The following SSH2 variants were observed in gnomAD, a reference collection of about 807,000 sequenced individuals.
SSH2 encodes the protein protein phosphatase Slingshot homolog 2.
In SSH2, 37 loss-of-function variants were observed where a neutral mutation model predicts 135.2. The ratio of observed to expected loss-of-function variants is 0.27; its 90% CI spans 0.21 to 0.36. The LOEUF (loss-of-function observed/expected upper bound fraction) is 0.36. Among genes scored for constraint, SSH2 ranks in the 10% least tolerant of loss-of-function variants. The pLI is 1.00. For synonymous variants in SSH2, 628 were observed against 646.2 expected (o/e 0.97, Z 0.43); for missense variants, 1,408 against 1,765.3 (o/e 0.80, Z 3.63).
chr17:29,841,327 T>C (rs964228824), intron 2 of SSH2, among the ~76,000 whole-genome samples: 16 of 152,242 alleles, frequency 1.1e-4, no homozygotes, highest in Non-Finnish European at 2.2e-4. Flanking sequence ...ACACAAAGTA[T>C]AAAGTGATCT....
At chr17:29,721,121 A>G (rs1444293942) in intron 3 of SSH2, among the ~76,000 whole-genome samples, 1 of 152,220 alleles carries the variant, frequency 6.6e-6, no homozygotes, top group Non-Finnish European at 1.5e-5. Context: ...GGACAAAGAG[A>G]TCACACAGTA....
chr17:29,761,840 CATATGTGTGT>C (rs1333986103), intron 3 of SSH2, among the ~76,000 whole-genome samples: 6 of 133,872 alleles, frequency 4.5e-5, no homozygotes, highest in Non-Finnish European at 7.8e-5. Context: ...CACTCACATA[CATATGTGTGT>C]GTGTGTGTGT....
At chr17:29,669,988 T>TCTC in intron 9 of SSH2, among the ~76,000 whole-genome samples, 1 of 151,806 alleles carries the variant, frequency 6.6e-6, no homozygotes, top group Non-Finnish European at 1.5e-5. Context: ...TTCAAGTGGT[T>TCTC]CTCCTGCCTC....
chr17:29,910,113 T>C (rs1599179753), intron 1 of SSH2, among the ~76,000 whole-genome samples: 2 of 152,138 alleles, frequency 1.3e-5, no homozygotes. Context: ...AATTGGTTAA[T>C]TTTTTTATTT....
intron 3 of SSH2, among the ~76,000 whole-genome samples, chr17:29,708,348 G>A (rs2151138960): frequency 6.6e-6 from 1 of 152,208 alleles, no homozygotes; most frequent in African/African-American, 2.4e-5. Context: ...AACACTTTGG[G>A]AGGCCAAGGC....
intron 2 of SSH2, among the ~76,000 whole-genome samples, chr17:29,839,703 T>C (rs1341212354): frequency 2.6e-5 from 4 of 152,214 alleles, no homozygotes; most frequent in African/African-American, 9.6e-5. Flanking sequence ...TTCTATATTT[T>C]TAAAATAAAC....
intron 4 of SSH2, among the ~76,000 whole-genome samples, chr17:29,702,434 C>G (rs1479887716): frequency 6.6e-6 from 1 of 151,784 alleles, no homozygotes; most frequent in African/African-American, 2.4e-5. Flanking sequence ...GCAGGCAGAT[C>G]ACCTGAGGTC....
At chr17:29,890,986 C>T (rs1037720086) in intron 1 of SSH2, among the ~76,000 whole-genome samples, 3 of 151,984 alleles carry the variant, frequency 2.0e-5, no homozygotes, top group Non-Finnish European at 4.4e-5. Context: ...GATCTCTTGA[C>T]CTCGTGATCT....
Position 29,929,969 on chromosome 17 carries a change from G to A in SSH2, c.32C>T (p.Thr11Ile). The A allele has an allele frequency of 6.2e-7, 1 of 1,603,966 alleles. No individual in the cohort carries two copies. The highest frequency in any genetic ancestry group is 8.5e-7 in the Non-Finnish European group (1 of 1,175,696). Residue 11 changes from threonine (T) to isoleucine (I), a missense_variant, in exon 1 of 16, where the codon ACC becomes ATC. Coordinates refer to ENST00000540801, the MANE Select transcript of SSH2 (RefSeq NM_001282129.2). MALVTVQRSP[T>I]PSTTSSPCAS... The stretch of plus-strand genomic sequence containing the variant: ...GCAGGGGCTGGAGGTGGTGCTGGGG[G>A]TAGGTGACCGCTGGACCGTGACCAA...
In SSH2 at chr17:29,781,457, C is replaced by T. The variant is rs555542697; in HGVS notation, c.188+12437G>A. On this transcript the variant is annotated intron_variant, in intron 3 of 15. Transcript: ENST00000540801. ...AACCATCTCTTATATAAGGACATGC[C>T]CTAATCCTGTGTTTTCTTTTTTTTT... 5.3e-5 allele frequency among the ~76,000 whole-genome samples: 8 copies of T among 150,464 alleles called. No individual in the cohort carries two copies. In the South Asian group the frequency reaches 1.5e-3, roughly 28 times the overall value.
Position 29,632,331 on chromosome 17 carries a change from GTTCC to G in SSH2, c.2859_2862del (p.Lys953AsnfsTer4). On this transcript the variant is annotated frameshift_variant, in exon 16 of 16. Transcript: ENST00000540801. LOFTEE classifies it high-confidence loss of function. ...TTCCCTTTGCCTTTGCTCATTTCTG[GTTCC>G]TTGAGGACAAATGAATGTTCTGGGG... The G allele has an allele frequency of 6.2e-7, 1 of 1,613,954 alleles. No homozygotes were observed. Among genetic ancestry groups the G allele is most frequent in the Non-Finnish European group, 8.5e-7 (1 of 1,179,854 alleles).
rs574689924 is a variant in SSH2, at chr17:29,883,645, G to A, written c.64-34716C>T. ...TAAGGTTAAATCATAACAGGAAATA[G>A]ATATTTAAGTCACAGAGGATGAGTT... On this transcript the variant is annotated intron_variant, in intron 1 of 15. Coordinates refer to ENST00000540801, the MANE Select transcript of SSH2 (RefSeq NM_001282129.2). 4.6e-5 allele frequency among the ~76,000 whole-genome samples: 7 copies of A among 152,240 alleles called. No homozygotes were observed. The South Asian group carries it at 1.5e-3, about 32-fold the overall frequency.
intron 3 of SSH2, among the ~76,000 whole-genome samples, chr17:29,770,736 G>C (rs1019275387): frequency 6.6e-6 from 1 of 152,158 alleles, no homozygotes; most frequent in Non-Finnish European, 1.5e-5. Context: ...GCCTCCTAAA[G>C]TGCTGGGATG....
chr17:29,640,367 C>T (rs1299808868), intron 14 of SSH2, among the ~76,000 whole-genome samples: 2 of 152,162 alleles, frequency 1.3e-5, no homozygotes, highest in South Asian at 4.1e-4. Flanking sequence ...TGAGCCACCA[C>T]GCCCGGCCCC....
chr17:29,781,819 CCTCTT>C (rs1183035676), intron 3 of SSH2, among the ~76,000 whole-genome samples: 1 of 151,202 alleles, frequency 6.6e-6, no homozygotes, highest in Non-Finnish European at 1.5e-5. Flanking sequence ...CCTCTCCTCT[CCTCTT>C]TTTCTCTCTC....
At chr17:29,656,423 G>A (rs982994518) in intron 11 of SSH2, among the ~76,000 whole-genome samples, 4 of 151,954 alleles carry the variant, frequency 2.6e-5, no homozygotes, top group Non-Finnish European at 5.9e-5. Flanking sequence ...TGATCCACCC[G>A]CCTCAGCCTC....
chr17:29,845,346 C>G (rs1390995643), intron 2 of SSH2, among the ~76,000 whole-genome samples: 1 of 152,080 alleles, frequency 6.6e-6, no homozygotes. Flanking sequence ...TACAAAGAAG[C>G]TCTTCAATTC....
intron 11 of SSH2, among the ~76,000 whole-genome samples, chr17:29,662,024 T>C (rs912272626): frequency 5.3e-5 from 8 of 151,800 alleles, no homozygotes; most frequent in African/African-American, 1.7e-4. Context: ...AGACCCAATT[T>C]CCCCCCCGCC....
chr17:29,820,691 T>G (rs1257561234), intron 2 of SSH2, among the ~76,000 whole-genome samples: 2 of 152,190 alleles, frequency 1.3e-5, no homozygotes, highest in South Asian at 2.1e-4. Context: ...AAAGCAAATT[T>G]AAACAAAACA....
Sources: allele counts gnomAD v4.1 joint callset (sites outside exome capture counted in the v4.1 genomes callset), GRCh38; gene constraint gnomAD v4.1.1; transcripts MANE v1.5; gene names NCBI Gene and HGNC (gene_info 2026-07-23, HGNC 2026-07-21).